The following CNTNAP2 variants were observed in gnomAD, a reference collection of about 807,000 sequenced individuals.
CNTNAP2 encodes contactin-associated protein-like 2.
Under a neutral mutation model 155.2 loss-of-function variants are expected in CNTNAP2, and 98 were observed. That is an observed-to-expected ratio of 0.63 (90% CI 0.54 to 0.75). The LOEUF (loss-of-function observed/expected upper bound fraction) is 0.75, where lower values mean the gene tolerates loss of function less well. CNTNAP2 is among the 30% of genes least tolerant of loss of function. The probability of loss-of-function intolerance (pLI) is 0.00; values close to 1 mark genes in which losing one functional copy is unlikely to be tolerated. For synonymous variants in CNTNAP2, 651 were observed against 631.2 expected (o/e 1.03, Z -0.47); for missense variants, 1,727 against 1,688.1 (o/e 1.02, Z -0.40).
intron 15 of CNTNAP2, among the ~76,000 whole-genome samples, chr7:147,985,557 G>A (rs775447011): frequency 6.6e-6 from 1 of 151,898 alleles, no homozygotes; most frequent in Non-Finnish European, 1.5e-5. Context: ...GACAAAAACT[G>A]CTCCCAGTCC....
chr7:148,016,445 C>G (rs993083123), intron 15 of CNTNAP2, among the ~76,000 whole-genome samples: 2 of 152,218 alleles, frequency 1.3e-5, no homozygotes, highest in African/African-American at 2.4e-5. Context: ...GACACCAGCT[C>G]CTGCACAGTA....
At chr7:146,620,623 A>T (rs537389441) in intron 1 of CNTNAP2, among the ~76,000 whole-genome samples, 2 of 152,120 alleles carry the variant, frequency 1.3e-5, no homozygotes, top group Non-Finnish European at 2.9e-5. Flanking sequence ...TTAAGTCCTT[A>T]AAGTTGGATC....
At chr7:148,329,991 G>C (rs1440922138) in intron 21 of CNTNAP2, among the ~76,000 whole-genome samples, 2 of 152,194 alleles carry the variant, frequency 1.3e-5, no homozygotes, top group Non-Finnish European at 2.9e-5. Flanking sequence ...CCAGCAGCAT[G>C]CCTGCCCCAC....
chr7:147,128,545 A>G (rs1801283876), intron 6 of CNTNAP2, 148 bp from the exon 7 acceptor site: 1 of 784,132 alleles, frequency 1.3e-6, no homozygotes, highest in South Asian at 1.6e-5. Context: ...AACATAATTT[A>G]ATATGCCATA....
chr7:147,755,168 AG>A (rs1359758851), intron 13 of CNTNAP2, among the ~76,000 whole-genome samples: 3 of 152,174 alleles, frequency 2.0e-5, no homozygotes, highest in Non-Finnish European at 4.4e-5. Flanking sequence ...TGACAGCTTA[AG>A]TGTATGAGTG....
chr7:146,864,134 A>G (rs573768992), intron 3 of CNTNAP2, among the ~76,000 whole-genome samples: 152 of 152,240 alleles, frequency 1.0e-3, no homozygotes, highest in African/African-American at 3.5e-3. Flanking sequence ...GAGCATTAGC[A>G]TATTTACCAA....
At chr7:146,314,754 C>T (rs973747547) in intron 1 of CNTNAP2, among the ~76,000 whole-genome samples, 22 of 152,084 alleles carry the variant, frequency 1.4e-4, no homozygotes, top group African/African-American at 5.1e-4. Context: ...ACTGCTGGGT[C>T]AAGCTGGGGA....
At chr7:147,816,258 A>T (rs531353051) in intron 13 of CNTNAP2, among the ~76,000 whole-genome samples, 1 of 152,142 alleles carries the variant, frequency 6.6e-6, no homozygotes, top group Non-Finnish European at 1.5e-5. Flanking sequence ...TCCAGTACAC[A>T]GGTGTTACTG....
intron 1 of CNTNAP2, among the ~76,000 whole-genome samples, chr7:146,295,791 A>G (rs1041189207): frequency 1.3e-5 from 2 of 151,796 alleles, no homozygotes; most frequent in Admixed American, 6.6e-5. Context: ...TGAAAACTTT[A>G]CATAAATGAC....
At chr7:146,388,789 C>T (rs930560688) in intron 1 of CNTNAP2, among the ~76,000 whole-genome samples, 13 of 152,114 alleles carry the variant, frequency 8.5e-5, no homozygotes, top group African/African-American at 2.4e-4. Flanking sequence ...TGGTAACCTT[C>T]CTTCTACTCT....
intron 21 of CNTNAP2, among the ~76,000 whole-genome samples, chr7:148,304,835 C>A (rs960153076): frequency 6.6e-6 from 1 of 152,116 alleles, no homozygotes; most frequent in Non-Finnish European, 1.5e-5. Context: ...TACCTTCACC[C>A]TTCCAATAGG....
At chr7:147,497,168 G>A (rs1798724791) in intron 11 of CNTNAP2, 1 of 152,152 alleles carries the variant, frequency 6.6e-6, no homozygotes, top group South Asian at 2.1e-4. Context: ...TAATGTAAAT[G>A]GATATGGATT....
chr7:147,459,674 C>T (rs764551816), intron 10 of CNTNAP2, among the ~76,000 whole-genome samples: 11 of 152,142 alleles, frequency 7.2e-5, no homozygotes, highest in Non-Finnish European at 1.5e-4. Context: ...TGCAGACTGC[C>T]TTTCGAGGTT....
chr7:147,328,620 A>C (rs768747624), intron 9 of CNTNAP2, among the ~76,000 whole-genome samples: 4 of 152,250 alleles, frequency 2.6e-5, no homozygotes, highest in Non-Finnish European at 5.9e-5. Context: ...TCATTAATGA[A>C]GCAAACGGGT....
chr7:148,159,006 C>T (rs978827207), intron 17 of CNTNAP2, among the ~76,000 whole-genome samples: 2 of 152,114 alleles, frequency 1.3e-5, no homozygotes, highest in Non-Finnish European at 2.9e-5. Flanking sequence ...TCCCACAGTA[C>T]ACTATGAGCG....
At chr7:147,810,815 C>T (rs930492800) in intron 13 of CNTNAP2, among the ~76,000 whole-genome samples, 1 of 152,150 alleles carries the variant, frequency 6.6e-6, no homozygotes, top group Non-Finnish European at 1.5e-5. Context: ...TGGTTGAATA[C>T]TCTGTCTAAA....
chr7:148,062,028 AGTGTGTGTGT>A (rs199528714), intron 15 of CNTNAP2, among the ~76,000 whole-genome samples: 4,949 of 105,960 alleles, frequency 0.047, 435 homozygotes, highest in East Asian at 0.31. Context: ...AGAGAGAGAG[AGTGTGTGTGT>A]GTGTGTGTGT....
At chr7:148,245,585 G>A (rs1796246564) in intron 20 of CNTNAP2, among the ~76,000 whole-genome samples, 1 of 152,192 alleles carries the variant, frequency 6.6e-6, no homozygotes, top group Non-Finnish European at 1.5e-5. Context: ...AACCTCTCTG[G>A]AAGATTGACG....
chr7:147,785,610 G>GA (rs1371956854), intron 13 of CNTNAP2, among the ~76,000 whole-genome samples: 6 of 152,060 alleles, frequency 3.9e-5, no homozygotes, highest in Admixed American at 3.9e-4. Context: ...TTTGGAGCTG[G>GA]AAAAAAGTGT....
Sources: gnomAD v4.1 joint callset for allele counts (sites outside exome capture counted in the v4.1 genomes callset) on GRCh38, gnomAD v4.1.1 for gene constraint, MANE v1.5 for transcripts, NCBI Gene and HGNC (gene_info 2026-07-23, HGNC 2026-07-21) for gene names.